The following IPCEF1 variants were observed in gnomAD, a reference collection of about 807,000 sequenced individuals.
IPCEF1 encodes interaction protein for cytohesin exchange factors 1, also known as interactor protein for cytohesin exchange factors 1.
In IPCEF1, 31 loss-of-function variants were observed where a neutral mutation model predicts 50.9. The ratio of observed to expected loss-of-function variants is 0.61; its 90% CI spans 0.46 to 0.82. The LOEUF (loss-of-function observed/expected upper bound fraction) is 0.82. Among genes scored for constraint, IPCEF1 ranks in the 40% least tolerant of loss-of-function variants. The pLI is 0.00. For synonymous variants in IPCEF1, 181 were observed against 192.0 expected (o/e 0.94, Z 0.47); for missense variants, 458 against 514.0 (o/e 0.89, Z 1.05).
In IPCEF1 at chr6:154,195,860, C is replaced by T. The variant is rs187929244; in HGVS notation, c.910+3808G>A. Among the ~76,000 whole-genome samples the T allele has an allele frequency of 2.4e-3, 355 of 150,438 alleles. 1 individual carries two copies. The highest frequency in any genetic ancestry group is 4.2e-3 in the Non-Finnish European group (286 of 67,802). On this transcript the variant is annotated intron_variant, in intron 10 of 11. Transcript: ENST00000367220. ...AGGCTGGGGTGCAGTGGTGCAATCTCGGCTCACTGCAACCTCTGCCTCGCA... is the reference window on the plus strand; with the variant it reads ...AGGCTGGGGTGCAGTGGTGCAATCTTGGCTCACTGCAACCTCTGCCTCGCA...
chr6:154,316,547 T>C (rs13214912), intron 1 of IPCEF1, among the ~76,000 whole-genome samples: 4,208 of 152,274 alleles, frequency 0.028, 92 homozygotes, highest in Non-Finnish European at 0.042. Flanking sequence ...ATACTCTCAC[T>C]TACATGTGGA....
At chr6:154,296,203 C>T (rs1481438490) in intron 1 of IPCEF1, among the ~76,000 whole-genome samples, 10 of 152,220 alleles carry the variant, frequency 6.6e-5, no homozygotes, top group East Asian at 1.9e-4. Flanking sequence ...CAAGCAGATT[C>T]CAAGGGGTGC....
At chr6:154,314,884 CTTTTTTT>C (rs11367569) in intron 1 of IPCEF1, among the ~76,000 whole-genome samples, 20 of 138,052 alleles carry the variant, frequency 1.4e-4, no homozygotes, top group African/African-American at 5.3e-4. Flanking sequence ...AGTGTGATTA[CTTTTTTT>C]TTTTTTTTTT....
chr6:154,348,268 T>C (rs186907353), intron 1 of IPCEF1, among the ~76,000 whole-genome samples: 1 of 152,334 alleles, frequency 6.6e-6, no homozygotes, highest in Non-Finnish European at 1.5e-5. Context: ...AAAGCTGCTC[T>C]AGTTGATTAA....
At chr6:154,274,926 G>A (rs903699383) in intron 2 of IPCEF1, among the ~76,000 whole-genome samples, 3 of 152,214 alleles carry the variant, frequency 2.0e-5, no homozygotes, top group Admixed American at 2.0e-4. Context: ...TAAGTTCCAT[G>A]ACACCTGCCT....
At chr6:154,169,363 A>T (rs1038373802) in intron 10 of IPCEF1, among the ~76,000 whole-genome samples, 1 of 152,176 alleles carries the variant, frequency 6.6e-6, no homozygotes, top group African/African-American at 2.4e-5. Context: ...TCTGTCACAC[A>T]CACACACACA....
At chr6:154,294,851 A>G (rs1782600048) in intron 1 of IPCEF1, among the ~76,000 whole-genome samples, 1 of 152,168 alleles carries the variant, frequency 6.6e-6, no homozygotes, top group African/African-American at 2.4e-5. Flanking sequence ...CACCCTGGAC[A>G]ACAGAGTGAA....
At chr6:154,191,606 G>A (rs1295099432) in intron 10 of IPCEF1, among the ~76,000 whole-genome samples, 1 of 151,708 alleles carries the variant, frequency 6.6e-6, no homozygotes, top group Non-Finnish European at 1.5e-5. Context: ...CCCAGGAGGT[G>A]GAGGTTGCAG....
intron 1 of IPCEF1, among the ~76,000 whole-genome samples, chr6:154,292,196 C>A (rs1338605538): frequency 6.6e-6 from 1 of 152,120 alleles, no homozygotes; most frequent in Non-Finnish European, 1.5e-5. Flanking sequence ...GCCTAACACC[C>A]CTCAATATGG....
At chr6:154,211,836 A>G (rs373007030) in intron 9 of IPCEF1, among the ~76,000 whole-genome samples, 133 of 152,364 alleles carry the variant, frequency 8.7e-4, no homozygotes, top group African/African-American at 3.1e-3. Flanking sequence ...CTGACAAAGG[A>G]CTAACACATA....
chr6:154,287,269 T>G (rs35285549), intron 2 of IPCEF1, among the ~76,000 whole-genome samples: 12,862 of 151,872 alleles, frequency 0.085, 977 homozygotes, highest in African/African-American at 0.2. Context: ...TCTCCAGCCA[T>G]GCTTCCTGTA....
At chr6:154,288,988 A>C (rs1238222436) in intron 2 of IPCEF1, among the ~76,000 whole-genome samples, 3 of 152,114 alleles carry the variant, frequency 2.0e-5, no homozygotes, top group African/African-American at 7.2e-5. Context: ...TCAAGGCTGC[A>C]GTGAGCCACG....
At chr6:154,221,595 C>T (rs112844481) in intron 6 of IPCEF1, among the ~76,000 whole-genome samples, 4 of 152,206 alleles carry the variant, frequency 2.6e-5, no homozygotes, top group East Asian at 1.9e-4. Context: ...TAGGTATGGC[C>T]GGGCACGGTG....
intron 1 of IPCEF1, among the ~76,000 whole-genome samples, chr6:154,342,353 C>T (rs927521238): frequency 6.6e-6 from 1 of 152,162 alleles, no homozygotes; most frequent in African/African-American, 2.4e-5. Flanking sequence ...TTATTATTCA[C>T]CTTGTCTTAT....
chr6:154,333,797 A>G (rs1257597597), intron 1 of IPCEF1, among the ~76,000 whole-genome samples: 1 of 151,794 alleles, frequency 6.6e-6, no homozygotes, highest in Non-Finnish European at 1.5e-5. Context: ...GTATATATGT[A>G]TATATATGTG....
rs1291144437 is a variant in IPCEF1 at position 154,247,440 on chromosome 6, T to A, written c.76+9A>T. ...AATGGAGATAAAGAAACAAAAGAGA[T>A]CTAATTACCTTGAGTTTTCCTCCTG... is the stretch of plus-strand genomic sequence containing the variant. On this transcript the variant is annotated intron_variant, in intron 4 of 11. Coordinates refer to ENST00000367220, the MANE Select transcript of IPCEF1 (RefSeq NM_001130700.2). 2 of 1,609,924 alleles carry A rather than the reference T, an allele frequency of 1.2e-6. No individual in the cohort carries two copies. The highest frequency in any genetic ancestry group is 1.7e-6 in the Non-Finnish European group (2 of 1,176,638).
At chr6:154,196,278 C>T (rs990846483) in intron 10 of IPCEF1, among the ~76,000 whole-genome samples, 50 of 152,184 alleles carry the variant, frequency 3.3e-4, no homozygotes, top group Non-Finnish European at 2.4e-4. Context: ...CTCAAAGTAG[C>T]TAGCTAAAGT....
intron 10 of IPCEF1, among the ~76,000 whole-genome samples, chr6:154,172,170 T>C (rs923763345): frequency 2.6e-5 from 4 of 152,220 alleles, no homozygotes; most frequent in Non-Finnish European, 5.9e-5. Flanking sequence ...TTATCATTGC[T>C]TCCAAGATAG....
intron 9 of IPCEF1, among the ~76,000 whole-genome samples, chr6:154,206,802 C>G (rs768385536): frequency 6.6e-6 from 1 of 152,162 alleles, no homozygotes; most frequent in Non-Finnish European, 1.5e-5. Flanking sequence ...AAACTTTATA[C>G]CTACAGGTAC....
Sources: gnomAD v4.1 joint callset for allele counts (sites outside exome capture counted in the v4.1 genomes callset) on GRCh38, gnomAD v4.1.1 for gene constraint, MANE v1.5 for transcripts, NCBI Gene and HGNC (gene_info 2026-07-23, HGNC 2026-07-21) for gene names.